The following ZFHX3 variants were observed in gnomAD, a reference collection of about 807,000 sequenced individuals.
ZFHX3 encodes zinc finger homeobox protein 3.
ZFHX3 carries 42 observed loss-of-function variants against 279.1 expected under a neutral mutation model. The ratio of observed to expected loss-of-function variants is 0.15; its 90% CI spans 0.12 to 0.19. ZFHX3 has a LOEUF of 0.19. Among genes scored for constraint, ZFHX3 ranks in the 10% least tolerant of loss-of-function variants. The pLI, the probability that ZFHX3 is intolerant of heterozygous loss-of-function variation, is 1.00. For synonymous variants in ZFHX3, 2,293 were observed against 1,957.8 expected (o/e 1.17, Z -4.52); for missense variants, 4,981 against 4,754.0 (o/e 1.05, Z -1.40).
intron 1 of ZFHX3, among the ~76,000 whole-genome samples, chr16:72,966,444 A>C (rs1961844265): frequency 6.6e-6 from 1 of 152,228 alleles, no homozygotes; most frequent in Admixed American, 6.5e-5. Flanking sequence ...GTTTTACTTG[A>C]TGACAAACTC....
intron 7 of ZFHX3, among the ~76,000 whole-genome samples, chr16:72,808,507 A>ATACT (rs1184003199): frequency 6.6e-6 from 1 of 152,252 alleles, no homozygotes; most frequent in African/African-American, 2.4e-5. Flanking sequence ...AAAAAGTAAA[A>ATACT]TACTTATATG....
chr16:72,857,713 A>T (rs2143874443), intron 4 of ZFHX3, among the ~76,000 whole-genome samples: 1 of 152,188 alleles, frequency 6.6e-6, no homozygotes, highest in Non-Finnish European at 1.5e-5. Flanking sequence ...AACAAAACAA[A>T]ACACTAACAA....
intron 4 of ZFHX3, among the ~76,000 whole-genome samples, chr16:73,308,506 G>C (rs1215235699): frequency 6.6e-6 from 1 of 151,758 alleles, no homozygotes; most frequent in Non-Finnish European, 1.5e-5. Flanking sequence ...TTCCAGGGTG[G>C]TCTCGAACTC....
At chr16:73,192,109 C>T (rs1968051842) in intron 5 of ZFHX3, among the ~76,000 whole-genome samples, 1 of 152,104 alleles carries the variant, frequency 6.6e-6, no homozygotes, top group Non-Finnish European at 1.5e-5. Flanking sequence ...GGGGTGCCTT[C>T]CTCCCTGGCA....
At chr16:72,843,229 G>A (rs1020344074) in intron 4 of ZFHX3, among the ~76,000 whole-genome samples, 3 of 152,070 alleles carry the variant, frequency 2.0e-5, no homozygotes, top group African/African-American at 7.2e-5. Flanking sequence ...CACACAGTGG[G>A]GCCAGGCACA....
chr16:72,796,820 A>C lies in ZFHX3; in HGVS notation c.5862T>G (p.Phe1954Leu). 2 of 1,613,308 alleles carry C rather than the reference A, an allele frequency of 1.2e-6. No homozygotes were observed. Among genetic ancestry groups the C allele is most frequent in the Non-Finnish European group, 1.7e-6 (2 of 1,179,924 alleles). Residue 1954 changes from phenylalanine to leucine, a missense_variant, in exon 9 of 10, where the codon TTT becomes TTG. Phe to Leu is a conservative substitution (Grantham distance 22). This residue lies in a region of ZFHX3 where 1,751 missense variants were observed against 1,770.0 expected (regional missense o/e 0.99). Coordinates refer to ENST00000268489, the MANE Select transcript of ZFHX3 (RefSeq NM_006885.4). ...TCTCATTATACTGGATGACCAACTCAAAGCCAAAGTTCTCCAGCAGGGCCT... is the reference window on the plus strand; with the variant it reads ...TCTCATTATACTGGATGACCAACTCCAAGCCAAAGTTCTCCAGCAGGGCCT... ...ATKALLENFG[F>L]ELVIQYNENK...
Position 72,797,159 on chromosome 16 carries a change from G to A in ZFHX3, c.5523C>T (p.Val1841=), listed in dbSNP as rs1210244313. ...LLEDLKAQVQ[V]PQQSHQQILP... is the part of the protein sequence containing the mutation. ...AGATCTGCTGATGGCTCTGCTGTGG[G>A]ACCTGAACCTGAGCCTTCAGATCTT... Residue 1841 remains valine (V), a synonymous_variant, in exon 9 of 10, where the codon GTC becomes GTT. Coordinates refer to ENST00000268489, the MANE Select transcript of ZFHX3 (RefSeq NM_006885.4). The A allele has an allele frequency of 6.2e-7, 1 of 1,613,962 alleles. No homozygotes were observed. The highest frequency in any genetic ancestry group is 1.7e-5 in the Admixed American group (1 of 60,026).
In ZFHX3 at chr16:72,787,249, G is replaced by A. The variant is rs923198124; in HGVS notation, c.11027C>T (p.Ala3676Val). Residue 3676 changes from alanine (A) to valine (V), a missense_variant, in exon 10 of 10, where the codon GCG becomes GTG. Around this residue, in one of 7 missense-constraint regions of ZFHX3, gnomAD observed 1,034 missense variants for 786.0 expected, o/e 1.32. Coordinates refer to ENST00000268489, the MANE Select transcript of ZFHX3 (RefSeq NM_006885.4). ...GTCTTTGGGACCCTCCACCGGGCTC[G>A]CCGGTCCGTCGGACTTTTGGCTGAG... ...TDLSQKSDGP[A>V]SPVEGPKDPS... is the part of the protein sequence containing the mutation. The A allele has an allele frequency of 1.4e-5, 22 of 1,613,932 alleles. No individual in the cohort carries two copies. The highest frequency in any genetic ancestry group is 3.3e-5 in the Admixed American group (2 of 59,998).
intron 1 of ZFHX3, among the ~76,000 whole-genome samples, chr16:73,799,598 C>T (rs1285832591): frequency 1.3e-5 from 2 of 152,146 alleles, no homozygotes; most frequent in Non-Finnish European, 2.9e-5. Flanking sequence ...CACTGAGGTT[C>T]CCATGGGAAG....
chr16:73,754,712 A>G (rs1298087895), intron 1 of ZFHX3, among the ~76,000 whole-genome samples: 3 of 152,160 alleles, frequency 2.0e-5, no homozygotes, highest in Admixed American at 1.3e-4. Flanking sequence ...AGGCTTTTCT[A>G]CACATTATTT....
In ZFHX3 at chr16:72,948,322, C is replaced by G. The variant is rs117560953; in HGVS notation, c.3216+2147G>C. Among the ~76,000 whole-genome samples the G allele has an allele frequency of 4.1e-4, 62 of 152,320 alleles. 3 individuals are homozygous for G. The East Asian group carries it at 0.012, about 29-fold the overall frequency. On this transcript the variant is annotated intron_variant, in intron 3 of 9. Transcript: ENST00000268489. ...TCAGGTGCTGGGTCCACGTTCTACC[C>G]TGCATCCCAACGCTCAGGACCCTTC... is the stretch of plus-strand genomic sequence containing the variant.
chr16:73,318,499 T>C (rs541488247), intron 3 of ZFHX3, among the ~76,000 whole-genome samples: 48 of 152,314 alleles, frequency 3.2e-4, no homozygotes, highest in Admixed American at 2.3e-3. Flanking sequence ...TTATTACTAT[T>C]GGGTGACTGT....
intron 1 of ZFHX3, among the ~76,000 whole-genome samples, chr16:73,740,651 T>C (rs540275231): frequency 6.6e-6 from 1 of 152,340 alleles, no homozygotes; most frequent in African/African-American, 2.4e-5. Flanking sequence ...CAAAATACTT[T>C]GAAAGTTACT....
intron 1 of ZFHX3, among the ~76,000 whole-genome samples, chr16:73,766,905 G>A (rs1338616411): frequency 2.0e-5 from 3 of 151,284 alleles, no homozygotes; most frequent in Non-Finnish European, 4.4e-5. Context: ...TTAGATTGGT[G>A]CAAAGGTAAT....
chr16:72,952,362 T>C (rs1263568843), intron 2 of ZFHX3, among the ~76,000 whole-genome samples: 1 of 152,242 alleles, frequency 6.6e-6, no homozygotes, highest in African/African-American at 2.4e-5. Context: ...TCAGTAGGGC[T>C]ACCTGTTCTC....
chr16:73,006,269 G>A (rs1408553793), intron 1 of ZFHX3: 1 of 152,176 alleles, frequency 6.6e-6, no homozygotes, highest in Non-Finnish European at 1.5e-5. Flanking sequence ...AGAAGTCAAT[G>A]CATCCTCTTT....
At chr16:72,970,613 C>G (rs1433446462) in intron 1 of ZFHX3, among the ~76,000 whole-genome samples, 1 of 152,188 alleles carries the variant, frequency 6.6e-6, no homozygotes, top group African/African-American at 2.4e-5. Context: ...CCTTGCAAGC[C>G]CGCAGCTCAC....
At chr16:73,388,603 C>T (rs2016948440) in intron 3 of ZFHX3, among the ~76,000 whole-genome samples, 4 of 152,300 alleles carry the variant, frequency 2.6e-5, no homozygotes, top group Admixed American at 2.6e-4. Flanking sequence ...GCCAGGCAGG[C>T]AGGCAAGTTT....
chr16:73,697,935 T>C (rs1315318690), intron 1 of ZFHX3, among the ~76,000 whole-genome samples: 2 of 152,186 alleles, frequency 1.3e-5, no homozygotes, highest in Non-Finnish European at 2.9e-5. Flanking sequence ...AGATTTTGTT[T>C]TCTACAAAAT....
Sources: gnomAD v4.1 joint callset for allele counts (sites outside exome capture counted in the v4.1 genomes callset) on GRCh38, gnomAD v4.1.1 for gene constraint, gnomAD v4.1.1 regional missense constraint, MANE v1.5 for transcripts, NCBI Gene and HGNC (gene_info 2026-07-23, HGNC 2026-07-21) for gene names.